Variants in AGXT observed in about 807,000 individuals in gnomAD.
AGXT encodes L-alanine: glyoxylate aminotransferase 1.
AGXT carries 41 observed loss-of-function variants against 46.9 expected under a neutral mutation model. The ratio of observed to expected loss-of-function variants is 0.88; its 90% CI spans 0.68 to 1.14. The LOEUF (loss-of-function observed/expected upper bound fraction) is 1.14, where lower values mean the gene tolerates loss of function less well. Among genes scored for constraint, AGXT ranks in the 50% most tolerant of loss-of-function variants. The probability of loss-of-function intolerance (pLI) is 0.00; values close to 1 mark genes in which losing one functional copy is unlikely to be tolerated. For missense variants in AGXT, 525 were observed against 522.7 expected, an observed-to-expected ratio of 1.00 and a Z score of -0.04; for synonymous variants, 244 against 227.9, an observed-to-expected ratio of 1.07 and a Z score of -0.64.
intron 9 of AGXT, 74 bp from the exon 10 acceptor site, chr2:240,877,948 G>A: frequency 6.3e-7 from 1 of 1,584,678 alleles, no homozygotes; most frequent in Admixed American, 1.7e-5. Context: ...GGGGCAGATG[G>A]TGCAGGCCAA....
chr2:240,873,132 C>A, intron 5 of AGXT, 83 bp downstream of exon 5: 1 of 1,239,820 alleles, frequency 8.1e-7, no homozygotes, highest in African/African-American at 1.5e-5. Context: ...AAGCGTGCGT[C>A]CAGCAGCCGA....
intron 4 of AGXT, 60 bp downstream of exon 4, chr2:240,871,509 G>C (rs2058990541): frequency 6.9e-7 from 1 of 1,448,546 alleles, no homozygotes; most frequent in East Asian, 2.5e-5. Flanking sequence ...TATGGGGAGG[G>C]GTGGGCACTG....
At chr2:240,873,185 C>G in intron 5 of AGXT, 136 bp downstream of exon 5, 1 of 739,894 alleles carries the variant, frequency 1.4e-6, no homozygotes, top group South Asian at 1.6e-5. Flanking sequence ...CAGGGAAACA[C>G]TCACTCCTTA....
chr2:240,869,514 C>T (rs1371152175), intron 2 of AGXT, 152 bp downstream of exon 2: 3 of 946,124 alleles, frequency 3.2e-6, no homozygotes, highest in African/African-American at 3.3e-5. Context: ...AGCCCACTGC[C>T]TCCTCCAGGC....
In AGXT at chr2:240,877,701, C is replaced by T. The variant is rs1182704643; in HGVS notation, c.942+69C>T. ...AGGATGAGGGGCTCTTGCCCAGCCC[C>T]CTCAAGAGGGACACTGGCTCCTGAG... On this transcript the variant is annotated intron_variant, in intron 9 of 10. Transcript: ENST00000307503. 4.7e-6 allele frequency: 7 copies of T among 1,483,314 alleles called. No homozygotes were observed. In the East Asian group the frequency reaches 7.4e-5, roughly 16 times the overall value. The allele number at this position is 1,483,314 out of a possible 1,614,324, so 91.9% of individuals were successfully genotyped here. A position where few individuals can be genotyped will look rare whatever the true frequency, so the allele number is the denominator to read the frequency against.
chr2:240,876,367 C>T (rs578226628), intron 8 of AGXT, among the ~76,000 whole-genome samples: 3 of 152,324 alleles, frequency 2.0e-5, no homozygotes, highest in South Asian at 4.1e-4. Flanking sequence ...TGAGGGTTGG[C>T]AGTTCCTGCA....
At chr2:240,876,510 TGA>T (rs1429867029) in intron 8 of AGXT, among the ~76,000 whole-genome samples, 1 of 152,154 alleles carries the variant, frequency 6.6e-6, no homozygotes, top group African/African-American at 2.4e-5. Flanking sequence ...CACAGGCGGC[TGA>T]GAGTGGCCTC....
chr2:240,871,405 C>A lies in AGXT; in HGVS notation c.480C>A (p.Thr160=). Residue 160 remains threonine (T), a synonymous_variant, in exon 4 of 11, where the codon ACC becomes ACA. Transcript: ENST00000307503. ...LLFLTHGESS[T]GVLQPLDGFG... Reference sequence around the variant, plus strand: ...TCTTAACCCACGGGGAGTCGTCCACCGGCGTGCTGCAGCCCCTTGATGGCT... The same window carrying A: ...TCTTAACCCACGGGGAGTCGTCCACAGGCGTGCTGCAGCCCCTTGATGGCT... The A allele has an allele frequency of 6.2e-7, 1 of 1,600,508 alleles. No homozygotes were observed. The highest frequency in any genetic ancestry group is 1.3e-5 in the African/African-American group (1 of 74,820).
Position 240,878,809 on chromosome 2 carries a change from G to T in AGXT, c.1167G>T (p.Lys389Asn). The T allele has an allele frequency of 6.3e-7, 1 of 1,592,868 alleles. No homozygotes were observed. The change falls in exon 11 of 11, where the codon AAG becomes AAT. Residue 389 changes from lysine (K) to asparagine (N), a missense_variant. By Grantham distance (94) the Lys-to-Asn change is moderately conservative. Transcript: ENST00000307503. Reference sequence around the variant, plus strand: ...GGGCGGCCCTGCAGCACTGCCCCAAGAAGAAGCTGTGACCTGCCCACTGGC... The same window carrying T: ...GGGCGGCCCTGCAGCACTGCCCCAATAAGAAGCTGTGACCTGCCCACTGGC... ...ALRAALQHCP[K>N]KKL
intron 7 of AGXT, 128 bp downstream of exon 7, chr2:240,875,332 G>A (rs1222957931): frequency 1.3e-6 from 1 of 788,480 alleles, no homozygotes; most frequent in Non-Finnish European, 2.1e-6. Flanking sequence ...CCCAACTAGA[G>A]CCCCAGAATC....
In AGXT at chr2:240,879,186, G is replaced by A; in HGVS notation, c.*365G>A. 2.7e-6 allele frequency: 1 copy of A among 363,642 alleles called. No individual in the cohort carries two copies. Among genetic ancestry groups the A allele is most frequent in the Non-Finnish European group, 5.2e-6 (1 of 191,894 alleles). The allele number at this position is 363,642 out of a possible 1,614,324, so 22.5% of individuals were successfully genotyped here. On this transcript the variant is annotated 3_prime_UTR_variant, in exon 11 of 11. Coordinates refer to ENST00000307503, the MANE Select transcript of AGXT (RefSeq NM_000030.3). Reference sequence around the variant, plus strand: ...CTGCTCCCTGAGCTGCCTGATTGTGGACTTTAGGGGGACACTCCTCATCCT... The same window carrying A: ...CTGCTCCCTGAGCTGCCTGATTGTGAACTTTAGGGGGACACTCCTCATCCT...
At position 240,877,626 on chromosome 2, in the gene AGXT, G is replaced by A; in HGVS notation, c.936G>A (p.Lys312=). The A allele has an allele frequency of 6.4e-7, 1 of 1,550,866 alleles. No homozygotes were observed. Among genetic ancestry groups the A allele is most frequent in the Non-Finnish European group, 8.7e-7 (1 of 1,147,010 alleles). ...LQALGLQLFV[K]DPALRLPTVT... ...CACTGGGGCTGCAGCTCTTCGTGAAGGACCCGGTAAGGAGGCCCCTGGCAT... is the reference window on the plus strand; with the variant it reads ...CACTGGGGCTGCAGCTCTTCGTGAAAGACCCGGTAAGGAGGCCCCTGGCAT... The change falls in exon 9 of 11, where the codon AAG becomes AAA. Residue 312 remains lysine, a synonymous_variant. Coordinates refer to ENST00000307503, the MANE Select transcript of AGXT (RefSeq NM_000030.3).
At chr2:240,878,637 G>A in intron 10 of AGXT, 77 bp from the exon 11 acceptor site, 1 of 1,400,596 alleles carries the variant, frequency 7.1e-7, no homozygotes, top group South Asian at 1.2e-5. Context: ...AGCCCATCCT[G>A]GCTCTGGCCA....
At chr2:240,873,088 G>A (rs2106429530) in intron 5 of AGXT, 39 bp downstream of exon 5, 1 of 1,564,206 alleles carries the variant, frequency 6.4e-7, no homozygotes, top group Non-Finnish European at 8.8e-7. Context: ...AGCCCAAGCA[G>A]CCTTGGGGCT....
At chr2:240,870,223 CCTCA>C (rs1356918595) in intron 2 of AGXT, among the ~76,000 whole-genome samples, 1 of 152,150 alleles carries the variant, frequency 6.6e-6, no homozygotes, top group African/African-American at 2.4e-5. Flanking sequence ...AAGGCTGCTG[CCTCA>C]CTCACCCCTC....
At chr2:240,869,589 C>T (rs2058980429) in intron 2 of AGXT, among the ~76,000 whole-genome samples, 2 of 152,216 alleles carry the variant, frequency 1.3e-5, no homozygotes, top group Admixed American at 1.3e-4. Flanking sequence ...CCCCGATCCC[C>T]CCAGTCTCCT....
intron 6 of AGXT, among the ~76,000 whole-genome samples, chr2:240,874,775 G>A (rs58850173): frequency 0.046 from 6,987 of 152,318 alleles, 547 homozygotes; most frequent in African/African-American, 0.16. Context: ...CCTGGGGCCC[G>A]AAAGCAGTCA....
rs1238241553 is a variant in AGXT, at chr2:240,875,220, G to A, written c.776+16G>A. ...AGCCCAGGATGTGAGGCCTGGCAGGGATGGGAAGGTGGAGGGCGCTGGGCA... is the reference window on the plus strand; with the variant it reads ...AGCCCAGGATGTGAGGCCTGGCAGGAATGGGAAGGTGGAGGGCGCTGGGCA... On this transcript the variant is annotated intron_variant, in intron 7 of 10. Coordinates refer to ENST00000307503, the MANE Select transcript of AGXT (RefSeq NM_000030.3). 7 of 1,602,022 alleles carry A rather than the reference G, an allele frequency of 4.4e-6. No individual in the cohort carries two copies. The highest frequency in any genetic ancestry group is 2.7e-5 in the African/African-American group (2 of 74,646).
rs950163355 is a variant in AGXT, at chr2:240,879,323, C to T, written c.*502C>T. 1.1e-4 allele frequency: 21 copies of T among 194,812 alleles called. No individual in the cohort carries two copies. Among genetic ancestry groups the T allele is most frequent in the Non-Finnish European group, 1.7e-4 (16 of 95,034 alleles). 12.1% of individuals were successfully genotyped at this position (194,812 alleles called of 1,614,324 possible). On this transcript the variant is annotated 3_prime_UTR_variant, in exon 11 of 11. Transcript: ENST00000307503. ...ACCACATCCAGGTGAACCCACACGG[C>T]GCACAGGGCTGGTTGGAGACCCCTG...
Sources: allele counts gnomAD v4.1 joint callset (sites outside exome capture counted in the v4.1 genomes callset), GRCh38; gene constraint gnomAD v4.1.1; transcripts MANE v1.5; gene names NCBI Gene and HGNC (gene_info 2026-07-23, HGNC 2026-07-21).